TMC1: variants seen among roughly 807,000 people sequenced by gnomAD.
TMC1 encodes the protein transmembrane channel-like protein 1.
A neutral mutation model predicts 105.8 loss-of-function variants in TMC1; 84 were observed. The ratio of observed to expected loss-of-function variants is 0.79; its 90% confidence interval spans 0.67 to 0.95. The LOEUF is 0.95. TMC1 is among the 40% of genes least tolerant of loss of function. The pLI is 0.00. For missense variants in TMC1, 817 were observed against 914.1 expected, an observed-to-expected ratio of 0.89 and a Z score of 1.37; for synonymous variants, 315 against 311.5, an observed-to-expected ratio of 1.01 and a Z score of -0.12.
intron 19 of TMC1, among the ~76,000 whole-genome samples, chr9:72,818,286 G>T (rs1828819319): frequency 6.6e-6 from 1 of 152,180 alleles, no homozygotes; most frequent in South Asian, 2.1e-4. Flanking sequence ...AGTAGTGGAG[G>T]TTATTTACGC....
intron 1 of TMC1, among the ~76,000 whole-genome samples, chr9:72,524,342 T>C (rs1299736130): frequency 1.3e-5 from 2 of 152,236 alleles, no homozygotes; most frequent in Non-Finnish European, 2.9e-5. Flanking sequence ...CTCTTTTGAC[T>C]TCCTTTGAGC....
chr9:72,689,761 C>G (rs1275795723), intron 6 of TMC1, among the ~76,000 whole-genome samples: 1 of 152,114 alleles, frequency 6.6e-6, no homozygotes, highest in Non-Finnish European at 1.5e-5. Context: ...ATAGCCACCC[C>G]TGTTCTTTTT....
rs1220260884 is a variant in TMC1 at position 72,772,490 on chromosome 9, G to C, written c.819G>C (p.Leu273Phe). 1 of 1,613,780 alleles carries C rather than the reference G, an allele frequency of 6.2e-7. No individual in the cohort carries two copies. The highest frequency in any genetic ancestry group is 1.7e-5 in the Admixed American group (1 of 59,988). The change falls in exon 13 of 24, where the codon TTG (leucine) becomes TTC (phenylalanine). Residue 273 changes from leucine to phenylalanine, a missense_variant. Physicochemically the swap from Leu to Phe is conservative, Grantham distance 22. Transcript: ENST00000297784. ...CAATTGGATGGATGAATTTCAGGTTGCCGCTCTCCTATTTTCTAGTGGGGA... is the reference window on the plus strand; with the variant it reads ...CAATTGGATGGATGAATTTCAGGTTCCCGCTCTCCTATTTTCTAGTGGGGA... ...KRTIGWMNFRLPLSYFLVGIM... is the reference protein window; with the variant it reads ...KRTIGWMNFRFPLSYFLVGIM...
rs918043355 is a variant in TMC1 at position 72,836,729 on chromosome 9, CTGT to C, written c.*761_*763del. 3 of 151,894 alleles carry C rather than the reference CTGT, an allele frequency of 2.0e-5. No homozygotes were observed. Among genetic ancestry groups the C allele is most frequent in the African/African-American group, 7.3e-5 (3 of 41,304 alleles). The allele number at this position is 151,894 out of a possible 1,614,324, so 9.4% of individuals were successfully genotyped here. A position where few individuals can be genotyped will look rare whatever the true frequency, so the allele number is the denominator to read the frequency against. ...AAAAAAGGAAAGACATCATAAATGA[CTGT>C]TGTTCTCTCACAGTCTGCTCATTTG... On this transcript the variant is annotated 3_prime_UTR_variant, in exon 24 of 24. Coordinates refer to ENST00000297784, the MANE Select transcript of TMC1 (RefSeq NM_138691.3).
chr9:72,559,551 T>G (rs1824009524), intron 1 of TMC1, among the ~76,000 whole-genome samples: 1 of 152,178 alleles, frequency 6.6e-6, no homozygotes, highest in Admixed American at 6.6e-5. Flanking sequence ...ACTCAGTGTT[T>G]CTCATCGGAG....
At chr9:72,625,604 C>A (rs888608725) in intron 3 of TMC1, among the ~76,000 whole-genome samples, 1 of 150,182 alleles carries the variant, frequency 6.7e-6, no homozygotes, top group East Asian at 2.0e-4. Context: ...AGGAGAATGG[C>A]GTGAACCCAG....
chr9:72,689,884 G>C (rs2132185177), intron 6 of TMC1, among the ~76,000 whole-genome samples: 1 of 151,762 alleles, frequency 6.6e-6, no homozygotes. Context: ...TCTTTTCTTT[G>C]GTTTCTTTTT....
chr9:72,533,764 TTCTC>T (rs966782935), intron 1 of TMC1, among the ~76,000 whole-genome samples: 3 of 152,140 alleles, frequency 2.0e-5, no homozygotes, highest in Non-Finnish European at 4.4e-5. Flanking sequence ...TTTCATGCGT[TTCTC>T]TCTCTCCCTT....
chr9:72,548,321 C>T (rs1321709430), intron 1 of TMC1, among the ~76,000 whole-genome samples: 1 of 152,062 alleles, frequency 6.6e-6, no homozygotes, highest in African/African-American at 2.4e-5. Context: ...CCTGTAATCC[C>T]AGCACTTTGG....
chr9:72,755,380 C>T (rs1827662907), intron 12 of TMC1, among the ~76,000 whole-genome samples: 1 of 152,022 alleles, frequency 6.6e-6, no homozygotes, highest in East Asian at 1.9e-4. Context: ...CTAAACAAGC[C>T]TCCTATTTAG....
Position 72,589,600 on chromosome 9 carries a change from CACGTTTTT to C in TMC1, c.-306+11579_-306+11586del, listed in dbSNP as rs370706721. Among the ~76,000 whole-genome samples the C allele has an allele frequency of 2.5e-3, 388 of 152,236 alleles. 3 individuals are homozygous for C. The highest frequency in any genetic ancestry group is 9.0e-3 in the African/African-American group (372 of 41,542). ...AAAGCATGTCGGACTTGACCTGAGG[CACGTTTTT>C]AACAATCAGGTGCAGTTTGTAAGGT... On this transcript the variant is annotated intron_variant, in intron 2 of 23. Transcript: ENST00000297784.
chr9:72,770,618 G>A (rs997798108), intron 12 of TMC1, among the ~76,000 whole-genome samples: 1 of 151,602 alleles, frequency 6.6e-6, no homozygotes, highest in African/African-American at 2.4e-5. Context: ...ATAAATAATA[G>A]ATTTACTACA....
intron 3 of TMC1, among the ~76,000 whole-genome samples, chr9:72,617,672 C>G (rs1446782603): frequency 6.6e-6 from 1 of 151,950 alleles, no homozygotes; most frequent in East Asian, 1.9e-4. Flanking sequence ...TAATTGTATT[C>G]AAGGTTATTT....
intron 15 of TMC1, among the ~76,000 whole-genome samples, chr9:72,791,178 T>C (rs368454161): frequency 1.3e-5 from 2 of 152,134 alleles, no homozygotes; most frequent in African/African-American, 4.8e-5. Context: ...TTCATGTTTC[T>C]ATTCCTTCTT....
intron 2 of TMC1, among the ~76,000 whole-genome samples, chr9:72,597,594 C>T (rs1223237399): frequency 1.3e-5 from 2 of 152,280 alleles, no homozygotes; most frequent in East Asian, 3.9e-4. Flanking sequence ...GTTAGTGATT[C>T]TTAGGGGCAT....
chr9:72,543,520 C>T (rs534599891), intron 1 of TMC1, among the ~76,000 whole-genome samples: 38 of 152,274 alleles, frequency 2.5e-4, no homozygotes, highest in South Asian at 8.3e-4. Context: ...CAGTGGCTCA[C>T]GCCTGTAATC....
intron 2 of TMC1, among the ~76,000 whole-genome samples, chr9:72,602,366 ATTTTTTTTT>A (rs66682329): frequency 1.2e-5 from 1 of 86,552 alleles, no homozygotes; most frequent in Non-Finnish European, 2.1e-5. Flanking sequence ...CCTATTGGTG[ATTTTTTTTT>A]TTTTTTTTTT....
intron 8 of TMC1, among the ~76,000 whole-genome samples, chr9:72,735,062 C>T (rs1827275154): frequency 6.6e-6 from 1 of 152,106 alleles, no homozygotes; most frequent in Admixed American, 6.6e-5. Context: ...TTCTAATTAC[C>T]AACACAACGG....
chr9:72,792,609 A>G (rs1360233847), intron 17 of TMC1, among the ~76,000 whole-genome samples: 3 of 152,178 alleles, frequency 2.0e-5, no homozygotes, highest in African/African-American at 4.8e-5. Flanking sequence ...AATGGTGCAA[A>G]GAGATGTTTA....
Sources: allele counts gnomAD v4.1 joint callset (sites outside exome capture counted in the v4.1 genomes callset), GRCh38; gene constraint gnomAD v4.1.1; transcripts MANE v1.5; gene names NCBI Gene and HGNC (gene_info 2026-07-23, HGNC 2026-07-21).